The following METAP1D variants were observed in gnomAD, a reference collection of about 807,000 sequenced individuals.
METAP1D encodes the protein methionyl aminopeptidase type 1D, mitochondrial.
A neutral mutation model predicts 40.5 loss-of-function variants in METAP1D; 31 were observed. The ratio of observed to expected loss-of-function variants is 0.77; its 90% CI spans 0.58 to 1.03. The LOEUF is 1.03. METAP1D is among the 50% of genes least tolerant of loss of function. METAP1D has a pLI of 0.00. For synonymous variants in METAP1D, 151 were observed against 146.4 expected, an observed-to-expected ratio of 1.03 and a Z score of -0.22; for missense variants, 411 against 420.7, an observed-to-expected ratio of 0.98 and a Z score of 0.20.
intron 1 of METAP1D, among the ~76,000 whole-genome samples, chr2:172,060,437 A>C (rs928508182): frequency 4.6e-5 from 7 of 151,146 alleles, no homozygotes; most frequent in African/African-American, 1.7e-4. Flanking sequence ...AAAAAAAAAA[A>C]GTCTTCCTCT....
intron 1 of METAP1D, among the ~76,000 whole-genome samples, chr2:172,017,375 GTATATATATGTATATATGTGTA>G (rs1275896261): frequency 6.7e-6 from 1 of 149,086 alleles, no homozygotes; most frequent in East Asian, 2.0e-4. Flanking sequence ...ATATATATGT[GTATATATATGTATATATGTGTA>G]TATATGTATA....
At chr2:172,016,270 T>A (rs1688852171) in intron 1 of METAP1D, among the ~76,000 whole-genome samples, 1 of 33,580 alleles carries the variant, frequency 3.0e-5, no homozygotes, top group Non-Finnish European at 4.9e-5. Flanking sequence ...AGTGAGACCC[T>A]GTCTCAAAAA....
chr2:172,039,492 G>A (rs1235349293), intron 1 of METAP1D, among the ~76,000 whole-genome samples: 1 of 152,140 alleles, frequency 6.6e-6, no homozygotes, highest in Non-Finnish European at 1.5e-5. Flanking sequence ...AGTCCCTGGG[G>A]CTGTTCATAA....
intron 1 of METAP1D, among the ~76,000 whole-genome samples, chr2:172,059,316 C>T (rs1212842481): frequency 6.6e-6 from 1 of 152,068 alleles, no homozygotes; most frequent in Non-Finnish European, 1.5e-5. Context: ...GGATTACAGG[C>T]GTGACCCACC....
intron 5 of METAP1D, among the ~76,000 whole-genome samples, chr2:172,070,285 G>A (rs953045168): frequency 6.6e-6 from 1 of 152,016 alleles, no homozygotes; most frequent in Admixed American, 6.6e-5. Context: ...TTCTGTTAAC[G>A]TTCGGCTGTC....
chr2:172,076,228 A>G (rs1018589071), intron 6 of METAP1D, among the ~76,000 whole-genome samples: 1 of 151,752 alleles, frequency 6.6e-6, no homozygotes, highest in African/African-American at 2.4e-5. Flanking sequence ...AAGAGAAAAT[A>G]GAATAGTTTA....
At chr2:172,073,181 A>G (rs1246985579) in intron 6 of METAP1D, among the ~76,000 whole-genome samples, 4 of 152,204 alleles carry the variant, frequency 2.6e-5, no homozygotes, top group African/African-American at 4.8e-5. Context: ...CTCACATTCA[A>G]GTGGCGGCTG....
intron 1 of METAP1D, among the ~76,000 whole-genome samples, chr2:172,043,027 G>A (rs1347369894): frequency 1.3e-5 from 1 of 75,988 alleles, no homozygotes; most frequent in Non-Finnish European, 3.8e-5. Flanking sequence ...ACACATATAT[G>A]TGTATATGTG....
intron 1 of METAP1D, among the ~76,000 whole-genome samples, chr2:172,024,010 A>G (rs750012945): frequency 6.6e-6 from 1 of 151,962 alleles, no homozygotes; most frequent in Non-Finnish European, 1.5e-5. Flanking sequence ...GCCCGCCACC[A>G]TGCCCGGCTA....
At chr2:172,011,626 A>G (rs1173897678) in intron 1 of METAP1D, among the ~76,000 whole-genome samples, 1 of 152,140 alleles carries the variant, frequency 6.6e-6, no homozygotes, top group Non-Finnish European at 1.5e-5. Context: ...TGGACATTTC[A>G]TATAATGGAA....
chr2:172,068,396 A>T (rs925057600), intron 5 of METAP1D, among the ~76,000 whole-genome samples: 6 of 152,146 alleles, frequency 3.9e-5, no homozygotes, highest in Non-Finnish European at 7.4e-5. Flanking sequence ...TCTGTCTCAA[A>T]AAATAAATAA....
chr2:172,014,149 ACT>A (rs1464097747), intron 1 of METAP1D, among the ~76,000 whole-genome samples: 4 of 124,160 alleles, frequency 3.2e-5, no homozygotes, highest in Non-Finnish European at 5.1e-5. Flanking sequence ...AGGGAATCTC[ACT>A]CTGTCACCCA....
rs572784226 is a variant in METAP1D, at chr2:172,040,192, G to A, written c.41-21306G>A. On this transcript the variant is annotated intron_variant, in intron 1 of 9. Coordinates refer to ENST00000315796, the MANE Select transcript of METAP1D (RefSeq NM_199227.3). ...AGGCTGGTCTCGAACTCCTGACCTC[G>A]TGATCCACCCACCTCAGCCTCCCAA... 1.4e-4 allele frequency among the ~76,000 whole-genome samples: 21 copies of A among 152,020 alleles called. 1 individual carries two copies. Among genetic ancestry groups the A allele is most frequent in the African/African-American group, 2.9e-4 (12 of 41,468 alleles).
chr2:172,076,199 C>G (rs943671886), intron 6 of METAP1D, among the ~76,000 whole-genome samples: 10 of 150,754 alleles, frequency 6.6e-5, no homozygotes, highest in Non-Finnish European at 1.0e-4. Flanking sequence ...AAAAAAAGAA[C>G]CTAGATTTTT....
chr2:172,041,226 C>T (rs1455212068), intron 1 of METAP1D, among the ~76,000 whole-genome samples: 4 of 151,790 alleles, frequency 2.6e-5, no homozygotes, highest in Non-Finnish European at 5.9e-5. Flanking sequence ...TTGGGGAGGA[C>T]GAGGTGGGTG....
At position 172,011,043 on chromosome 2, in the gene METAP1D, CCG is replaced by C. The variant is rs200192828; in HGVS notation, c.40+11038_40+11039del. ...GTGCTGGGATTACAGGCGTGAGCCA[CCG>C]CGCCCAGCCTGTCTGTTCAATCTTA... is the stretch of plus-strand genomic sequence containing the variant. On this transcript the variant is annotated intron_variant, in intron 1 of 9. Coordinates refer to ENST00000315796, the MANE Select transcript of METAP1D (RefSeq NM_199227.3). 1.8e-4 allele frequency among the ~76,000 whole-genome samples: 27 copies of C among 152,242 alleles called. No individual in the cohort carries two copies. In the East Asian group the frequency reaches 5.2e-3, roughly 29 times the overall value.
chr2:172,009,045 C>CTTT (rs200696505), intron 1 of METAP1D, among the ~76,000 whole-genome samples: 1 of 144,432 alleles, frequency 6.9e-6, no homozygotes, highest in African/African-American at 2.5e-5. Flanking sequence ...AATTTTCTTT[C>CTTT]TTTTTTTTTT....
intron 1 of METAP1D, among the ~76,000 whole-genome samples, chr2:172,059,989 T>C (rs1287928998): frequency 1.3e-5 from 2 of 151,982 alleles, no homozygotes; most frequent in African/African-American, 2.4e-5. Context: ...AGGCGGAGGT[T>C]GCAGTGAGCC....
At position 172,005,523 on chromosome 2, in the gene METAP1D, TA is replaced by T. The variant is rs1558990251; in HGVS notation, c.40+5515del. On this transcript the variant is annotated intron_variant, in intron 1 of 9. Coordinates refer to ENST00000315796, the MANE Select transcript of METAP1D (RefSeq NM_199227.3). ...AGTATTCCATGGTGTCTGTATTTTA[TA>T]TATATATATATATATATATATCTTT... Among the ~76,000 whole-genome samples the T allele has an allele frequency of 6.4e-3, 583 of 90,618 alleles. 6 individuals carry two copies. Among genetic ancestry groups the T allele is most frequent in the African/African-American group, 0.018 (494 of 27,490 alleles). The allele number at this position is 90,618 out of a possible 152,430, so 59.4% of individuals were successfully genotyped here.
Sources: allele counts gnomAD v4.1 joint callset (sites outside exome capture counted in the v4.1 genomes callset), GRCh38; gene constraint gnomAD v4.1.1; transcripts MANE v1.5; gene names NCBI Gene and HGNC (gene_info 2026-07-23, HGNC 2026-07-21).